The following RIC8B variants were observed in gnomAD, a reference collection of about 807,000 sequenced individuals.
RIC8B encodes RIC8 guanine nucleotide exchange factor B.
A neutral mutation model predicts 57.5 loss-of-function variants in RIC8B; 16 were observed. The ratio of observed to expected loss-of-function variants is 0.28; its 90% CI spans 0.19 to 0.42. The LOEUF is 0.42. RIC8B is among the 10% of genes least tolerant of loss of function. RIC8B has a pLI of 1.00. For missense variants in RIC8B, 481 were observed against 677.0 expected, an observed-to-expected ratio of 0.71 and a Z score of 3.21; for synonymous variants, 216 against 250.8, an observed-to-expected ratio of 0.86 and a Z score of 1.31.
At position 106,840,803 on chromosome 12, in the gene RIC8B, A is replaced by G. The variant is rs1022134789; in HGVS notation, c.837-1786A>G. Among the ~76,000 whole-genome samples, 4 of 152,210 alleles carry G rather than the reference A, an allele frequency of 2.6e-5. No individual in the cohort carries two copies. The East Asian group carries it at 7.7e-4, about 29-fold the overall frequency. On this transcript the variant is annotated intron_variant, in intron 4 of 9. Transcript: ENST00000392837. ...AGGGGAAACATTCCTTTGTAATGAA[A>G]TGACCCATCTGAAACTTTTCAATCT...
chr12:106,804,725 A>G lies in RIC8B; in HGVS notation c.133-9971A>G, dbSNP rs144137159. Among the ~76,000 whole-genome samples the G allele has an allele frequency of 2.0e-5, 3 of 152,358 alleles. No homozygotes were observed. The East Asian group carries it at 5.8e-4, about 29-fold the overall frequency. ...TTTGTGCATGTGGAAGAAGAGAAAT[A>G]TGTTAAACAGACCCTGCCCCCGCCA... On this transcript the variant is annotated intron_variant, in intron 2 of 9. Coordinates refer to ENST00000392837, the MANE Select transcript of RIC8B (RefSeq NM_001330145.2).
chr12:106,861,452 G>A (rs571452290), intron 8 of RIC8B, among the ~76,000 whole-genome samples: 1 of 152,144 alleles, frequency 6.6e-6, no homozygotes, highest in Non-Finnish European at 1.5e-5. Context: ...TGGCAAATCA[G>A]GTCTGAGTAG....
chr12:106,810,280 A>T (rs1275181446), intron 2 of RIC8B, among the ~76,000 whole-genome samples: 2 of 148,374 alleles, frequency 1.3e-5, no homozygotes, highest in African/African-American at 4.9e-5. Flanking sequence ...TGTCTAAATC[A>T]TACAGCTGGT....
intron 3 of RIC8B, among the ~76,000 whole-genome samples, chr12:106,823,809 C>T (rs1224022367): frequency 1.3e-5 from 2 of 151,912 alleles, no homozygotes; most frequent in Non-Finnish European, 2.9e-5. Flanking sequence ...CTCAGCCTCC[C>T]GAGTAGCTGG....
At chr12:106,777,949 C>T (rs1456664987) in intron 1 of RIC8B, among the ~76,000 whole-genome samples, 1 of 152,112 alleles carries the variant, frequency 6.6e-6, no homozygotes, top group East Asian at 1.9e-4. Context: ...GCTTGTGTGA[C>T]CCTAAACGAG....
At position 106,879,898 on chromosome 12, in the gene RIC8B, G is replaced by C; in HGVS notation, c.1572-6006G>C. On this transcript the variant is annotated intron_variant, in intron 9 of 9. Transcript: ENST00000392837. This position sits in a 1 kb window ranked among gnomAD's most constrained non-coding sequence, Gnocchi z 4.9. Reference sequence around the variant, plus strand: ...TCCAGTAGACACCACTGTACTTTTTGATACGAGGGCAGTCTTAACTTGTGT... The same window carrying C: ...TCCAGTAGACACCACTGTACTTTTTCATACGAGGGCAGTCTTAACTTGTGT... The C allele has an allele frequency of 2.0e-6, 2 of 985,390 alleles. No homozygotes were observed. Among genetic ancestry groups the C allele is most frequent in the Non-Finnish European group, 2.4e-6 (2 of 829,920 alleles). 61.0% of individuals were successfully genotyped at this position (985,390 alleles called of 1,614,324 possible). A position where few individuals can be genotyped will look rare whatever the true frequency, so the allele number is the denominator to read the frequency against.
intron 6 of RIC8B, among the ~76,000 whole-genome samples, chr12:106,845,876 C>G (rs1373762277): frequency 1.3e-5 from 2 of 152,154 alleles, no homozygotes; most frequent in Non-Finnish European, 2.9e-5. Flanking sequence ...TAATAGTTCT[C>G]AAGTCTCTTT....
At chr12:106,839,979 C>G (rs1325893214) in intron 4 of RIC8B, among the ~76,000 whole-genome samples, 1 of 152,114 alleles carries the variant, frequency 6.6e-6, no homozygotes, top group Non-Finnish European at 1.5e-5. Flanking sequence ...GATCATGCCA[C>G]TGCACTCTGG....
chr12:106,822,105 G>GA (rs1162744633), intron 3 of RIC8B, among the ~76,000 whole-genome samples: 57 of 117,838 alleles, frequency 4.8e-4, no homozygotes, highest in African/African-American at 1.5e-3. Context: ...AAAAAAAGAA[G>GA]AAAAAAAAAG....
At chr12:106,782,749 CT>C (rs956119576) in intron 1 of RIC8B, among the ~76,000 whole-genome samples, 2 of 152,150 alleles carry the variant, frequency 1.3e-5, no homozygotes, top group Admixed American at 6.5e-5. Context: ...TCTCTATCTT[CT>C]TTAATTTAAA....
At chr12:106,777,189 T>C (rs2043535331) in intron 1 of RIC8B, among the ~76,000 whole-genome samples, 2 of 152,166 alleles carry the variant, frequency 1.3e-5, no homozygotes, top group Non-Finnish European at 2.9e-5. Flanking sequence ...TAATACTGAC[T>C]GTAGTAGGGC....
chr12:106,861,516 A>C (rs550526584), intron 8 of RIC8B, among the ~76,000 whole-genome samples: 10 of 152,068 alleles, frequency 6.6e-5, no homozygotes, highest in South Asian at 2.1e-4. Context: ...GATCTTATAG[A>C]GTGTGTCCTA....
chr12:106,850,247 G>A (rs1449107354), intron 6 of RIC8B, among the ~76,000 whole-genome samples: 1 of 152,184 alleles, frequency 6.6e-6, no homozygotes, highest in Non-Finnish European at 1.5e-5. Context: ...CCAAGTCCCT[G>A]GTGCCAAAAG....
At chr12:106,875,777 GTGTTT>G (rs1375589628) in intron 9 of RIC8B, among the ~76,000 whole-genome samples, 1 of 151,858 alleles carries the variant, frequency 6.6e-6, no homozygotes, top group Non-Finnish European at 1.5e-5. Flanking sequence ...TAGCCAATAA[GTGTTT>G]TGTTTTTTTT....
chr12:106,825,672 C>A lies in RIC8B; in HGVS notation c.742-54C>A, dbSNP rs539676779. 9 of 1,315,036 alleles carry A rather than the reference C, an allele frequency of 6.8e-6. No individual in the cohort carries two copies. In the South Asian group the frequency reaches 9.4e-5, roughly 14 times the overall value. 81.5% of individuals were successfully genotyped at this position (1,315,036 alleles called of 1,614,324 possible). A position where few individuals can be genotyped will look rare whatever the true frequency, so the allele number is the denominator to read the frequency against. On this transcript the variant is annotated intron_variant, in intron 3 of 9. Coordinates refer to ENST00000392837, the MANE Select transcript of RIC8B (RefSeq NM_001330145.2). Reference sequence around the variant, plus strand: ...AAGAGATGTAGTAAAGTAGCAGACCCCACTGTTCAGGCATTCAACCCCCAA... The same window carrying A: ...AAGAGATGTAGTAAAGTAGCAGACCACACTGTTCAGGCATTCAACCCCCAA...
chr12:106,841,459 G>A (rs1226092084), intron 4 of RIC8B, among the ~76,000 whole-genome samples: 1 of 152,036 alleles, frequency 6.6e-6, no homozygotes, highest in Admixed American at 6.6e-5. Context: ...CTATTTCTTT[G>A]TTTTTCTGTT....
rs558977277 is a variant in RIC8B, at chr12:106,867,367, C to T, written c.1452-3456C>T. 2.4e-4 allele frequency among the ~76,000 whole-genome samples: 36 copies of T among 152,224 alleles called. 1 individual carries two copies. The East Asian group carries it at 6.2e-3, about 26-fold the overall frequency. Reference sequence around the variant, plus strand: ...TGGAAGTCACAAGATTGGAGTGCTACAAAATGGGACAGAGGAGCAGAGACA... The same window carrying T: ...TGGAAGTCACAAGATTGGAGTGCTATAAAATGGGACAGAGGAGCAGAGACA... On this transcript the variant is annotated intron_variant, in intron 8 of 9. Coordinates refer to ENST00000392837, the MANE Select transcript of RIC8B (RefSeq NM_001330145.2). This position sits in a 1 kb window ranked among gnomAD's most constrained non-coding sequence, Gnocchi z 4.3.
chr12:106,885,994 G>C lies in RIC8B; in HGVS notation c.1662G>C (p.Glu554Asp), dbSNP rs1276052996. The change falls in exon 10 of 10, where the codon GAG becomes GAC. Residue 554 changes from glutamate to aspartate, a missense_variant. By Grantham distance (45) the Glu-to-Asp change is conservative. Around this residue, in one of 3 missense-constraint regions of RIC8B, gnomAD observed 17 missense variants for 16.3 expected, o/e 1.05. Transcript: ENST00000392837. ...EALNQYSVIE[E>D]TSSDTD ...TCAACCAGTACTCTGTCATCGAAGA[G>C]ACCAGCTCTGACACAGACTAAAAGC... is the stretch of plus-strand genomic sequence containing the variant. 1 of 1,612,322 alleles carries C rather than the reference G, an allele frequency of 6.2e-7. No homozygotes were observed. The highest frequency in any genetic ancestry group is 1.3e-5 in the African/African-American group (1 of 74,980).
chr12:106,844,972 C>G (rs1320539013), intron 6 of RIC8B, among the ~76,000 whole-genome samples: 2 of 152,182 alleles, frequency 1.3e-5, no homozygotes, highest in Non-Finnish European at 2.9e-5. Context: ...ATTTAGTACC[C>G]TCAATCCAAC....
Sources: allele counts gnomAD v4.1 joint callset (sites outside exome capture counted in the v4.1 genomes callset), GRCh38; gene constraint gnomAD v4.1.1; regional missense constraint gnomAD v4.1.1; non-coding constraint Gnocchi (gnomAD v3.1); transcripts MANE v1.5; gene names NCBI Gene and HGNC (gene_info 2026-07-23, HGNC 2026-07-21).